The following NCOA3 variants were observed in gnomAD, a reference collection of about 807,000 sequenced individuals.
NCOA3 encodes the protein nuclear receptor coactivator 3.
A neutral mutation model predicts 158.8 loss-of-function variants in NCOA3; 51 were observed. The observed-to-expected ratio is 0.32, with a 90% CI of 0.26 to 0.41. The LOEUF is 0.41. NCOA3 is among the 10% of genes least tolerant of loss of function. The probability of loss-of-function intolerance (pLI) is 1.00; values close to 1 mark genes in which losing one functional copy is unlikely to be tolerated. For missense variants in NCOA3, 1,510 were observed against 1,746.6 expected, an observed-to-expected ratio of 0.86 and a Z score of 2.41; for synonymous variants, 537 against 592.4, an observed-to-expected ratio of 0.91 and a Z score of 1.36.
chr20:47,511,444 T>C, intron 1 of NCOA3, among the ~76,000 whole-genome samples: 1 of 125,226 alleles, frequency 8.0e-6, no homozygotes, highest in Admixed American at 8.9e-5. Flanking sequence ...AGACAGAGTC[T>C]CTCTTTGTCA....
intron 1 of NCOA3, among the ~76,000 whole-genome samples, chr20:47,520,050 C>CTG (rs2084301277): frequency 9.2e-6 from 1 of 108,144 alleles, no homozygotes; most frequent in South Asian, 3.1e-4. Context: ...GTGTGAGCAA[C>CTG]TGTGCCTGGC....
intron 1 of NCOA3, among the ~76,000 whole-genome samples, chr20:47,570,713 A>G (rs954258179): frequency 1.3e-5 from 2 of 152,140 alleles, no homozygotes; most frequent in African/African-American, 4.8e-5. Context: ...TTTACCAGAA[A>G]GATTCACTTT....
chr20:47,558,005 T>C (rs554120108), intron 1 of NCOA3, among the ~76,000 whole-genome samples: 1 of 152,044 alleles, frequency 6.6e-6, no homozygotes, highest in Non-Finnish European at 1.5e-5. Context: ...ATGGCTGACA[T>C]CTCCCTGTGT....
intron 1 of NCOA3, among the ~76,000 whole-genome samples, chr20:47,527,982 C>T (rs2084483829): frequency 6.6e-6 from 1 of 152,062 alleles, no homozygotes; most frequent in South Asian, 2.1e-4. Flanking sequence ...TTAGAAAAAA[C>T]TGAGTTCTTA....
intron 1 of NCOA3, among the ~76,000 whole-genome samples, chr20:47,573,404 A>AAAAC (rs201319566): frequency 2.0e-5 from 3 of 148,506 alleles, no homozygotes; most frequent in East Asian, 1.9e-4. Flanking sequence ...TTGTCTCCAA[A>AAAAC]AAACAAACAA....
At chr20:47,611,706 C>T (rs578213895) in intron 2 of NCOA3, among the ~76,000 whole-genome samples, 7 of 152,094 alleles carry the variant, frequency 4.6e-5, no homozygotes, top group Non-Finnish European at 8.8e-5. Flanking sequence ...GCAGGAGAAT[C>T]GCTTGAATCT....
rs370511521 is a variant in NCOA3 at position 47,613,788 on chromosome 20, G to T, written c.-19-8441G>T. ...TAGCTGGGCGTGGTGGTGGGTGCCT[G>T]TAATCCCAGCTACTCGGGAGGCTGA... On this transcript the variant is annotated intron_variant, in intron 2 of 22. Transcript: ENST00000371998. Among the ~76,000 whole-genome samples the T allele has an allele frequency of 6.6e-5, 10 of 152,022 alleles. 1 individual carries two copies. The South Asian group carries it at 2.1e-3, about 32-fold the overall frequency.
chr20:47,525,621 C>T (rs796901687), intron 1 of NCOA3, among the ~76,000 whole-genome samples: 3 of 140,848 alleles, frequency 2.1e-5, no homozygotes, highest in Middle Eastern at 3.5e-3. Flanking sequence ...GGCTGACCCC[C>T]CCACCTCCCT....
chr20:47,558,820 CTTTTTTTTT>C (rs56997127), intron 1 of NCOA3, among the ~76,000 whole-genome samples: 3 of 114,498 alleles, frequency 2.6e-5, no homozygotes, highest in African/African-American at 6.2e-5. Flanking sequence ...ACTTTTTTCA[CTTTTTTTTT>C]TTTTTTTTTT....
chr20:47,626,637 T>C (rs2055005555), intron 5 of NCOA3, among the ~76,000 whole-genome samples: 2 of 152,198 alleles, frequency 1.3e-5, no homozygotes, highest in Admixed American at 6.5e-5. Context: ...TTGCTGATAC[T>C]ACCATAACAA....
intron 2 of NCOA3, among the ~76,000 whole-genome samples, chr20:47,594,664 CAAAAAAAAAAAAAAAAA>C (rs377014290): frequency 1.8e-4 from 13 of 72,942 alleles, no homozygotes; most frequent in Non-Finnish European, 2.9e-4. Context: ...GACTCTGTCT[CAAAAAAAAAAAAAAAAA>C]AAAAAAAAAA....
chr20:47,586,105 G>C (rs1269664935), intron 2 of NCOA3, among the ~76,000 whole-genome samples: 1 of 152,070 alleles, frequency 6.6e-6, no homozygotes, highest in Admixed American at 6.6e-5. Context: ...TTTTAGTAGA[G>C]ACGGGGTTTC....
chr20:47,606,760 A>G (rs1267077362), intron 2 of NCOA3, among the ~76,000 whole-genome samples: 2 of 152,224 alleles, frequency 1.3e-5, no homozygotes, highest in Non-Finnish European at 2.9e-5. Flanking sequence ...GTGACAAACC[A>G]TGGCTATTGA....
intron 1 of NCOA3, among the ~76,000 whole-genome samples, chr20:47,554,294 T>G (rs1471441354): frequency 6.6e-6 from 1 of 152,142 alleles, no homozygotes; most frequent in African/African-American, 2.4e-5. Context: ...AGATTCTGGA[T>G]ATTAGCCCTT....
At chr20:47,593,555 G>A (rs967979691) in intron 2 of NCOA3, among the ~76,000 whole-genome samples, 2 of 151,356 alleles carry the variant, frequency 1.3e-5, no homozygotes, top group Non-Finnish European at 2.9e-5. Flanking sequence ...ATGTTAGCCA[G>A]GATGGTCTCG....
chr20:47,569,369 T>TA (rs1402928888), intron 1 of NCOA3, among the ~76,000 whole-genome samples: 1 of 151,684 alleles, frequency 6.6e-6, no homozygotes, highest in Non-Finnish European at 1.5e-5. Flanking sequence ...CGTCCCCCAA[T>TA]AAAAAATAAA....
At chr20:47,625,012 A>G (rs1181514124) in intron 4 of NCOA3, among the ~76,000 whole-genome samples, 1 of 152,120 alleles carries the variant, frequency 6.6e-6, no homozygotes, top group Non-Finnish European at 1.5e-5. Context: ...ACCTCAGGTG[A>G]TCCACCCGCC....
chr20:47,568,652 G>T (rs934706923), intron 1 of NCOA3, among the ~76,000 whole-genome samples: 22 of 152,042 alleles, frequency 1.4e-4, no homozygotes, highest in Non-Finnish European at 3.1e-4. Context: ...AATTAACCAG[G>T]CGTGGTGGTG....
Position 47,652,517 on chromosome 20 carries a change from C to A in NCOA3, c.4058C>A (p.Ala1353Asp). Residue 1353 changes from alanine to aspartate, a missense_variant, in exon 21 of 23, where the codon GCT (alanine) becomes GAT (aspartate). By Grantham distance (126) the Ala-to-Asp change is moderately radical. Transcript: ENST00000371998. ...SQNPMMQHPQ[A>D]ASIYQSSEMK... ...AATCCCATGATGCAACACCCGCAGG[C>A]TGCATCCATCTATCAGTCCTCAGAA... The A allele has an allele frequency of 1.9e-6, 3 of 1,614,058 alleles. No individual in the cohort carries two copies. The East Asian group carries it at 6.7e-5, about 36-fold the overall frequency.
Sources: gnomAD v4.1 joint callset for allele counts (sites outside exome capture counted in the v4.1 genomes callset) on GRCh38, gnomAD v4.1.1 for gene constraint, MANE v1.5 for transcripts, NCBI Gene and HGNC (gene_info 2026-07-23, HGNC 2026-07-21) for gene names.